Variants in DCC observed in about 807,000 individuals in gnomAD.
DCC encodes the protein netrin receptor DCC.
A neutral mutation model predicts 172.5 loss-of-function variants in DCC; 58 were observed. The observed-to-expected ratio is 0.34, with a 90% confidence interval of 0.27 to 0.42. The LOEUF is 0.42. Among genes scored for constraint, DCC ranks in the 10% least tolerant of loss-of-function variants. The pLI is 1.00. For synonymous variants in DCC, 709 were observed against 644.5 expected, an observed-to-expected ratio of 1.10 and a Z score of -1.52; for missense variants, 1,740 against 1,791.0, an observed-to-expected ratio of 0.97 and a Z score of 0.51.
At chr18:52,851,401 A>G (rs2038973576) in intron 2 of DCC, among the ~76,000 whole-genome samples, 1 of 152,090 alleles carries the variant, frequency 6.6e-6, no homozygotes. Context: ...AGCCTACTTA[A>G]TTCTGTTTGT....
At chr18:53,234,783 A>G (rs1180076020) in intron 12 of DCC, among the ~76,000 whole-genome samples, 1 of 152,218 alleles carries the variant, frequency 6.6e-6, no homozygotes, top group African/African-American at 2.4e-5. Context: ...GTGGATTCTC[A>G]GTGAAGTGAT....
At chr18:52,447,774 G>C (rs998817797) in intron 1 of DCC, among the ~76,000 whole-genome samples, 1 of 152,052 alleles carries the variant, frequency 6.6e-6, no homozygotes, top group Admixed American at 6.6e-5. Flanking sequence ...GTGAGACAGA[G>C]AGTGGGGAGG....
intron 1 of DCC, among the ~76,000 whole-genome samples, chr18:52,665,738 G>A (rs995984850): frequency 5.3e-5 from 8 of 152,158 alleles, no homozygotes; most frequent in Non-Finnish European, 1.2e-4. Flanking sequence ...GGAAGTCAAT[G>A]CCTAATTTCT....
chr18:52,395,627 C>T (rs1429255340), intron 1 of DCC, among the ~76,000 whole-genome samples: 3 of 151,980 alleles, frequency 2.0e-5, no homozygotes, highest in Non-Finnish European at 4.4e-5. Context: ...ATATGAAGTC[C>T]AGCTGAGAAG....
At chr18:53,289,919 G>C (rs189133387) in intron 12 of DCC, among the ~76,000 whole-genome samples, 8 of 152,224 alleles carry the variant, frequency 5.3e-5, no homozygotes. Context: ...CAGAAAATGG[G>C]AATGGATTTT....
intron 12 of DCC, among the ~76,000 whole-genome samples, chr18:53,289,419 A>G (rs1367395590): frequency 7.2e-5 from 11 of 152,130 alleles, no homozygotes. Context: ...TTATTTTCTC[A>G]AAAGGGGACT....
chr18:52,899,618 G>C (rs914489027), intron 2 of DCC, among the ~76,000 whole-genome samples: 2 of 151,868 alleles, frequency 1.3e-5, no homozygotes, highest in African/African-American at 4.8e-5. Context: ...GCCTCACAAA[G>C]TGCTGGGATT....
chr18:52,549,987 C>T (rs2032722774), intron 1 of DCC, among the ~76,000 whole-genome samples: 1 of 151,700 alleles, frequency 6.6e-6, no homozygotes. Flanking sequence ...TATGGAAAGA[C>T]CAAAAAAAGT....
chr18:53,328,764 A>G (rs1163915079), intron 14 of DCC, among the ~76,000 whole-genome samples: 1 of 151,704 alleles, frequency 6.6e-6, no homozygotes, highest in Non-Finnish European at 1.5e-5. Flanking sequence ...TGAACTCCTG[A>G]CCTCAGGTGA....
chr18:53,047,416 TTATATATTTTACATATATATATATA>T (rs2144024577), intron 5 of DCC, among the ~76,000 whole-genome samples: 1 of 101,112 alleles, frequency 9.9e-6, no homozygotes, highest in African/African-American at 3.6e-5. Context: ...ATTTTATGTA[TTATATATTTTACATATATATATATA>T]TATATATATA....
intron 2 of DCC, among the ~76,000 whole-genome samples, chr18:52,824,967 C>CATATATATATATATATAT (rs148347043): frequency 0.012 from 1,708 of 148,178 alleles, 18 homozygotes; most frequent in South Asian, 0.041. Flanking sequence ...GAGACTCCCT[C>CATATATATATATATATAT]ATATATATAT....
chr18:53,134,563 C>T (rs2043709808), intron 7 of DCC, among the ~76,000 whole-genome samples: 1 of 152,066 alleles, frequency 6.6e-6, no homozygotes, highest in Non-Finnish European at 1.5e-5. Context: ...CCTTGAGGGA[C>T]ACATTTTTTA....
chr18:52,863,410 A>G (rs2145365783), intron 2 of DCC, among the ~76,000 whole-genome samples: 1 of 151,972 alleles, frequency 6.6e-6, no homozygotes, highest in South Asian at 2.1e-4. Context: ...ATAAGTTTTA[A>G]AAGCATAAGC....
chr18:53,472,094 C>T (rs1428353452), intron 25 of DCC, among the ~76,000 whole-genome samples: 1 of 152,148 alleles, frequency 6.6e-6, no homozygotes, highest in African/African-American at 2.4e-5. Flanking sequence ...CCTCCCTATG[C>T]TCCATTACAT....
chr18:53,318,467 G>A (rs912432859), intron 13 of DCC, among the ~76,000 whole-genome samples: 1 of 152,136 alleles, frequency 6.6e-6, no homozygotes, highest in Non-Finnish European at 1.5e-5. Flanking sequence ...TGTTGATTTG[G>A]GGTGGAGAGT....
At chr18:52,657,469 T>C (rs778545974) in intron 1 of DCC, among the ~76,000 whole-genome samples, 1 of 152,208 alleles carries the variant, frequency 6.6e-6, no homozygotes, top group Non-Finnish European at 1.5e-5. Flanking sequence ...CACTGTATTA[T>C]ATTAATAGTC....
chr18:52,711,596 GC>G (rs1420268026), intron 1 of DCC, among the ~76,000 whole-genome samples: 2 of 152,156 alleles, frequency 1.3e-5, no homozygotes, highest in Non-Finnish European at 2.9e-5. Context: ...ACTTTAAGTT[GC>G]CAACAGACTT....
intron 1 of DCC, among the ~76,000 whole-genome samples, chr18:52,469,034 T>G (rs760717417): frequency 7.3e-3 from 13 of 1,784 alleles, no homozygotes; most frequent in Non-Finnish European, 0.026. Context: ...AATTTTGATT[T>G]ATTTATTTAT....
At chr18:53,082,285 AAAAATTGTT>A (rs1398173670) in intron 7 of DCC, among the ~76,000 whole-genome samples, 1 of 152,160 alleles carries the variant, frequency 6.6e-6, no homozygotes, top group Non-Finnish European at 1.5e-5. Context: ...GCATAATAAC[AAAAATTGTT>A]ATATGGTTAT....
Sources: gnomAD v4.1 joint callset for allele counts (sites outside exome capture counted in the v4.1 genomes callset) on GRCh38, gnomAD v4.1.1 for gene constraint, MANE v1.5 for transcripts, NCBI Gene and HGNC (gene_info 2026-07-23, HGNC 2026-07-21) for gene names.